Variants in CDRT4 observed in about 807,000 individuals in gnomAD.
The protein encoded by CDRT4 is CMT1A duplicated region transcript 4 protein.
For missense variants in CDRT4, 167 were observed against 193.1 expected, an observed-to-expected ratio of 0.87 and a Z score of 0.80; for synonymous variants, 64 against 69.6, an observed-to-expected ratio of 0.92 and a Z score of 0.40.
intron 2 of CDRT4, chr17:15,443,866 T>C: frequency 1.7e-6 from 1 of 605,164 alleles, no homozygotes; most frequent in Non-Finnish European, 3.2e-6. Flanking sequence ...CAGAACATGA[T>C]CAAGGGTGTC....
At chr17:15,458,872 T>C (rs984886005) in intron 1 of CDRT4, among the ~76,000 whole-genome samples, 10 of 152,270 alleles carry the variant, frequency 6.6e-5, no homozygotes, top group South Asian at 2.1e-4. Flanking sequence ...ATGCAATTCA[T>C]TGGATCCCAC....
At chr17:15,443,842 AT>A in intron 2 of CDRT4, 1 of 577,260 alleles carries the variant, frequency 1.7e-6, no homozygotes, top group Non-Finnish European at 3.4e-6. Context: ...CGTTTGGACT[AT>A]TTTACTCATG....
chr17:15,455,995 C>G (rs1485572063), intron 1 of CDRT4, among the ~76,000 whole-genome samples: 2 of 152,108 alleles, frequency 1.3e-5, no homozygotes, highest in African/African-American at 4.8e-5. Context: ...CAAGGGATAA[C>G]CAATAAAAAG....
intron 1 of CDRT4, among the ~76,000 whole-genome samples, chr17:15,461,096 T>A (rs1309694986): frequency 6.6e-6 from 1 of 152,226 alleles, no homozygotes; most frequent in Non-Finnish European, 1.5e-5. Flanking sequence ...ATCTATCACA[T>A]CACCTTGTTC....
At chr17:15,448,645 A>G (rs1305985412) in intron 2 of CDRT4, among the ~76,000 whole-genome samples, 4 of 152,144 alleles carry the variant, frequency 2.6e-5, no homozygotes, top group Admixed American at 6.5e-5. Flanking sequence ...CCTCTCAAGG[A>G]AAGGTTGTTC....
intron 2 of CDRT4, chr17:15,444,125 A>G: frequency 7.8e-7 from 1 of 1,280,760 alleles, no homozygotes; most frequent in Non-Finnish European, 1.1e-6. Flanking sequence ...AAAACAAGGC[A>G]ATCAGGAAAT....
At chr17:15,447,735 A>G (rs1013344588) in intron 2 of CDRT4, among the ~76,000 whole-genome samples, 8 of 152,214 alleles carry the variant, frequency 5.3e-5, no homozygotes, top group African/African-American at 1.9e-4. Context: ...CTATTGATCT[A>G]TTATCTACAG....
rs892643029 is a variant in CDRT4 at position 15,437,759 on chromosome 17, T to C, written c.*14A>G. On this transcript the variant is annotated 3_prime_UTR_variant, in exon 4 of 4. Transcript: ENST00000619038. ...GACCCCTGGCTAAAACATTTGCATG[T>C]TTCTCCTTGTTGGTCAGTAGCGAAC... is the stretch of plus-strand genomic sequence containing the variant. The C allele has an allele frequency of 6.2e-7, 1 of 1,608,400 alleles. No individual in the cohort carries two copies. The highest frequency in any genetic ancestry group is 1.3e-5 in the African/African-American group (1 of 74,770).
At chr17:15,461,159 TTA>T (rs1427719910) in intron 1 of CDRT4, among the ~76,000 whole-genome samples, 3 of 152,216 alleles carry the variant, frequency 2.0e-5, no homozygotes, top group East Asian at 3.9e-4. Context: ...ATTTGTTTGT[TTA>T]TGATTTATTT....
intron 1 of CDRT4, among the ~76,000 whole-genome samples, chr17:15,465,755 C>T (rs553224249): frequency 3.3e-5 from 5 of 152,320 alleles, no homozygotes; most frequent in South Asian, 2.1e-4. Context: ...CGCATGCTAA[C>T]GCCTTCCAAT....
chr17:15,457,131 G>A (rs1784664543), intron 1 of CDRT4, among the ~76,000 whole-genome samples: 1 of 152,078 alleles, frequency 6.6e-6, no homozygotes, highest in Non-Finnish European at 1.5e-5. Flanking sequence ...GAGGTCTGCT[G>A]CACCCTGTCT....
Position 15,440,216 on chromosome 17 carries a change from T to C in CDRT4, c.23A>G (p.Lys8Arg), listed in dbSNP as rs1978694338. Residue 8 changes from lysine to arginine, a missense_variant, in exon 3 of 4, where the codon AAA becomes AGA. Transcript: ENST00000619038. MDARRMK[K>R]EEGLTENTGL... Reference sequence around the variant, plus strand: ...AACACTCCCAACCCTACCTTCTTCTTTCTTCATCCTTCTTGCATCCATCTT... The same window carrying C: ...AACACTCCCAACCCTACCTTCTTCTCTCTTCATCCTTCTTGCATCCATCTT... The C allele has an allele frequency of 1.2e-6, 2 of 1,613,776 alleles. No homozygotes were observed. Among genetic ancestry groups the C allele is most frequent in the African/African-American group, 1.3e-5 (1 of 74,892 alleles).
rs200059953 is a variant in CDRT4 at position 15,465,122 on chromosome 17, C to CA, written c.-130+2337_-130+2338insT. Among the ~76,000 whole-genome samples the CA allele has an allele frequency of 3.4e-3, 403 of 117,852 alleles. 2 individuals are homozygous for CA. The highest frequency in any genetic ancestry group is 0.017 in the East Asian group (34 of 1,992). The allele number at this position is 117,852 out of a possible 152,430, so 77.3% of individuals were successfully genotyped here. A position where few individuals can be genotyped will look rare whatever the true frequency, so the allele number is the denominator to read the frequency against. ...AGACACACACCAACACACAGACACA[C>CA]CAACACACAGATACAAACACAGACA... On this transcript the variant is annotated intron_variant, in intron 1 of 3. Coordinates refer to ENST00000619038, the MANE Select transcript of CDRT4 (RefSeq NM_001204477.2).
At chr17:15,444,119 C>T (rs1424680078) in intron 2 of CDRT4, 28 of 1,271,386 alleles carry the variant, frequency 2.2e-5, no homozygotes, top group Admixed American at 5.2e-5. Context: ...CAGTTAAAAA[C>T]AAGGCAATCA....
At chr17:15,448,739 T>C (rs1979137184) in intron 2 of CDRT4, among the ~76,000 whole-genome samples, 1 of 152,154 alleles carries the variant, frequency 6.6e-6, no homozygotes, top group South Asian at 2.1e-4. Context: ...CTGAAGCTTG[T>C]GCCCCCAGGC....
At chr17:15,448,198 G>A (rs1979111084) in intron 2 of CDRT4, among the ~76,000 whole-genome samples, 4 of 152,184 alleles carry the variant, frequency 2.6e-5, no homozygotes. Context: ...ATCCAGGCCA[G>A]TGTTGTTTTG....
intron 1 of CDRT4, among the ~76,000 whole-genome samples, chr17:15,460,719 T>C (rs1053982592): frequency 4.0e-5 from 6 of 151,896 alleles, no homozygotes; most frequent in African/African-American, 1.5e-4. Context: ...GCAGCCAGAG[T>C]GATCTTTCTA....
At chr17:15,459,109 CTG>C (rs1979622507) in intron 1 of CDRT4, among the ~76,000 whole-genome samples, 1 of 152,184 alleles carries the variant, frequency 6.6e-6, no homozygotes, top group South Asian at 2.1e-4. Context: ...CTATGCCAAA[CTG>C]TGCTGTCATT....
chr17:15,456,709 G>A (rs1979500340), intron 1 of CDRT4, among the ~76,000 whole-genome samples: 1 of 152,132 alleles, frequency 6.6e-6, no homozygotes, highest in Non-Finnish European at 1.5e-5. Context: ...CTGATTCAGA[G>A]GCTGACAGCT....
Sources: gnomAD v4.1 joint callset for allele counts (sites outside exome capture counted in the v4.1 genomes callset) on GRCh38, gnomAD v4.1.1 for gene constraint, MANE v1.5 for transcripts, NCBI Gene and HGNC (gene_info 2026-07-23, HGNC 2026-07-21) for gene names.